The following TRIQK variants were observed in gnomAD, a reference collection of about 807,000 sequenced individuals.
The protein encoded by TRIQK is triple QxxK/R motif-containing protein.
TRIQK carries 10 observed loss-of-function variants against 10.8 expected under a neutral mutation model. The ratio of observed to expected loss-of-function variants is 0.92; its 90% confidence interval spans 0.57 to 1.57. The LOEUF (loss-of-function observed/expected upper bound fraction) is 1.57, where lower values mean the gene tolerates loss of function less well. Among genes scored for constraint, TRIQK ranks in the 40% most tolerant of loss-of-function variants. The probability of loss-of-function intolerance (pLI) is 0.00; values close to 1 mark genes in which losing one functional copy is unlikely to be tolerated. For missense variants in TRIQK, 107 were observed against 97.7 expected, an observed-to-expected ratio of 1.09 and a Z score of -0.40; for synonymous variants, 33 against 33.7, an observed-to-expected ratio of 0.98 and a Z score of 0.07.
At chr8:92,944,730 G>A (rs1012262188) in intron 2 of TRIQK, among the ~76,000 whole-genome samples, 14 of 152,118 alleles carry the variant, frequency 9.2e-5, no homozygotes, top group African/African-American at 3.4e-4. Context: ...GAGGGTACAG[G>A]TAAATTTTGG....
chr8:93,006,324 T>C lies in TRIQK; in HGVS notation c.-181+11285A>G, dbSNP rs1813271456. Among the ~76,000 whole-genome samples the C allele has an allele frequency of 2.0e-5, 3 of 151,942 alleles. No individual in the cohort carries two copies. In the South Asian group the frequency reaches 6.2e-4, roughly 31 times the overall value. ...ACTCAGAGAGTGAGGAAAAGCTGAG[T>C]GGTGAGACAGACCACCTGGGAAAGG... On this transcript the variant is annotated intron_variant, in intron 1 of 4. Transcript: ENST00000520686.
intron 1 of TRIQK, chr8:92,973,642 T>G (rs1812898898): frequency 6.6e-6 from 1 of 152,100 alleles, no homozygotes; most frequent in Admixed American, 6.6e-5. Context: ...GAGTCAAGAT[T>G]AGTAAGGATA....
At chr8:92,970,566 T>G (rs1586518114), upstream of TRIQK, among the ~76,000 whole-genome samples, 1 of 152,240 alleles carries the variant, frequency 6.6e-6, no homozygotes, top group Non-Finnish European at 1.5e-5. Flanking sequence ...TGTTGAACTT[T>G]TTTTCATATG....
At position 92,886,721 on chromosome 8, in the gene TRIQK, T is replaced by C; in HGVS notation, c.162A>G (p.Val54=). 1 of 1,530,194 alleles carries C rather than the reference T, an allele frequency of 6.5e-7. No homozygotes were observed. Among genetic ancestry groups the C allele is most frequent in the Non-Finnish European group, 8.8e-7 (1 of 1,141,864 alleles). 94.8% of individuals were successfully genotyped at this position (1,530,194 alleles called of 1,614,324 possible). A position where few individuals can be genotyped will look rare whatever the true frequency, so the allele number is the denominator to read the frequency against. The change falls in exon 5 of 5, where the codon GTA becomes GTG. Residue 54 remains valine (V), a synonymous_variant. Coordinates refer to ENST00000521988, the MANE Select transcript of TRIQK (RefSeq NM_001171797.2). ...GTAGTAGTGCCAATATAGCTGCAAG[T>C]ACAAGGCCAACTTCCTGGGAAGAAA... ...TAIGIKEVGL[V]LAAILALLLA...
chr8:92,959,577 G>T (rs1352884834), intron 1 of TRIQK, among the ~76,000 whole-genome samples: 1 of 151,438 alleles, frequency 6.6e-6, no homozygotes, highest in Admixed American at 6.6e-5. Flanking sequence ...GTATCTTCGG[G>T]TCTTTTTCCT....
At chr8:92,972,547 C>T (rs1812886005) in intron 1 of TRIQK, 1 of 152,372 alleles carries the variant, frequency 6.6e-6, no homozygotes, top group African/African-American at 2.4e-5. Context: ...CTTCACACCA[C>T]CCCCCAGTTT....
intron 1 of TRIQK, among the ~76,000 whole-genome samples, chr8:93,012,440 C>A (rs887264085): frequency 6.6e-6 from 1 of 152,018 alleles, no homozygotes; most frequent in Non-Finnish European, 1.5e-5. Flanking sequence ...GTAGATCCAG[C>A]GTTTTCAGAA....
intron 1 of TRIQK, among the ~76,000 whole-genome samples, chr8:92,962,388 G>T (rs569081410): frequency 6.6e-6 from 1 of 152,260 alleles, no homozygotes; most frequent in Middle Eastern, 3.4e-3. Context: ...CTACATAGAA[G>T]AATGTCCACT....
At chr8:92,922,818 T>C (rs918254024) in intron 2 of TRIQK, among the ~76,000 whole-genome samples, 1 of 151,762 alleles carries the variant, frequency 6.6e-6, no homozygotes, top group Non-Finnish European at 1.5e-5. Flanking sequence ...TCAACCAAGA[T>C]ACATTAGAGA....
intron 1 of TRIQK, among the ~76,000 whole-genome samples, chr8:92,958,057 G>C (rs1207564845): frequency 6.6e-6 from 1 of 151,866 alleles, no homozygotes; most frequent in Non-Finnish European, 1.5e-5. Flanking sequence ...AACCTGAAAT[G>C]GATCCTCATT....
chr8:92,983,322 A>G (rs1813003703), intron 1 of TRIQK, among the ~76,000 whole-genome samples: 1 of 151,988 alleles, frequency 6.6e-6, no homozygotes, highest in African/African-American at 2.4e-5. Flanking sequence ...CTTATACACA[A>G]ACTAGATTAA....
chr8:93,010,875 T>C (rs767453740), intron 1 of TRIQK, among the ~76,000 whole-genome samples: 47 of 152,306 alleles, frequency 3.1e-4, no homozygotes, highest in South Asian at 2.7e-3. Context: ...GCTTCATTCA[T>C]GCTATTTGCA....
At chr8:93,002,513 G>T (rs1813223652) in intron 1 of TRIQK, among the ~76,000 whole-genome samples, 1 of 152,090 alleles carries the variant, frequency 6.6e-6, no homozygotes, top group African/African-American at 2.4e-5. Flanking sequence ...CGCAAAAAAT[G>T]AACAAAAGCA....
At chr8:92,942,723 A>G (rs1436754799) in intron 2 of TRIQK, among the ~76,000 whole-genome samples, 1 of 152,166 alleles carries the variant, frequency 6.6e-6, no homozygotes, top group Non-Finnish European at 1.5e-5. Flanking sequence ...TAGACAGAGT[A>G]TAGCTCTGTT....
intron 1 of TRIQK, among the ~76,000 whole-genome samples, chr8:93,012,895 G>T (rs1813349820): frequency 6.6e-6 from 1 of 152,284 alleles, no homozygotes; most frequent in East Asian, 1.9e-4. Context: ...TAGATGTATT[G>T]AATCAGAAAC....
chr8:92,975,607 C>A (rs1812922419), intron 1 of TRIQK, among the ~76,000 whole-genome samples: 1 of 151,944 alleles, frequency 6.6e-6, no homozygotes, highest in Non-Finnish European at 1.5e-5. Context: ...AATTTTATTA[C>A]CTTTCTTAAA....
chr8:92,975,646 A>G (rs1812922805), intron 1 of TRIQK, among the ~76,000 whole-genome samples: 1 of 150,996 alleles, frequency 6.6e-6, no homozygotes. Flanking sequence ...ATTTTTTTCT[A>G]TTGCTTTTCA....
intron 3 of TRIQK, among the ~76,000 whole-genome samples, chr8:92,912,113 A>G (rs1809604643): frequency 6.6e-6 from 1 of 151,610 alleles, no homozygotes; most frequent in African/African-American, 2.4e-5. Context: ...AAGCAAAAGT[A>G]ACAGCATACA....
chr8:92,979,040 A>G (rs1812959789), intron 1 of TRIQK, among the ~76,000 whole-genome samples: 1 of 152,116 alleles, frequency 6.6e-6, no homozygotes, highest in South Asian at 2.1e-4. Context: ...AAGAATTTGG[A>G]CAGGATTCAG....
Sources: allele counts gnomAD v4.1 joint callset (sites outside exome capture counted in the v4.1 genomes callset), GRCh38; gene constraint gnomAD v4.1.1; transcripts MANE v1.5; gene names NCBI Gene and HGNC (gene_info 2026-07-23, HGNC 2026-07-21).